UNC5D: variants seen among roughly 807,000 people sequenced by gnomAD.
UNC5D encodes unc-5 netrin receptor D.
In UNC5D, 39 loss-of-function variants were observed where a neutral mutation model predicts 105.4. The observed-to-expected ratio is 0.37, with a 90% CI of 0.29 to 0.48. The LOEUF is 0.48. UNC5D is among the 20% of genes least tolerant of loss of function. The probability of loss-of-function intolerance (pLI) is 0.98; values close to 1 mark genes in which losing one functional copy is unlikely to be tolerated. For synonymous variants in UNC5D, 452 were observed against 450.4 expected (o/e 1.00, Z -0.04); for missense variants, 991 against 1,202.4 (o/e 0.82, Z 2.60).
intron 15 of UNC5D, among the ~76,000 whole-genome samples, chr8:35,769,426 G>A (rs1586617095): frequency 6.6e-6 from 1 of 152,340 alleles, no homozygotes; most frequent in South Asian, 2.1e-4. Flanking sequence ...CACAGCACCA[G>A]AAATTTTGTC....
intron 1 of UNC5D, among the ~76,000 whole-genome samples, chr8:35,478,738 A>C (rs1284313969): frequency 6.6e-6 from 1 of 152,206 alleles, no homozygotes; most frequent in African/African-American, 2.4e-5. Context: ...AACATTAAAC[A>C]TTCTATGCTT....
chr8:35,243,718 G>A (rs2128803382), intron 1 of UNC5D, among the ~76,000 whole-genome samples: 1 of 152,242 alleles, frequency 6.6e-6, no homozygotes, highest in South Asian at 2.1e-4. Flanking sequence ...CCAAGCGGTT[G>A]GATCCTTATC....
intron 1 of UNC5D, among the ~76,000 whole-genome samples, chr8:35,498,079 CAAAACAA>C (rs1563474839): frequency 6.7e-5 from 4 of 59,424 alleles, no homozygotes; most frequent in Admixed American, 1.4e-4. Context: ...CAAAACAAAA[CAAAACAA>C]AAAAAAAAAA....
intron 7 of UNC5D, among the ~76,000 whole-genome samples, chr8:35,703,973 G>A: frequency 6.6e-6 from 1 of 152,132 alleles, no homozygotes; most frequent in East Asian, 1.9e-4. Context: ...TGGACTTCGA[G>A]AGGGACCACC....
intron 1 of UNC5D, among the ~76,000 whole-genome samples, chr8:35,237,805 A>C (rs1802566404): frequency 6.6e-6 from 1 of 152,234 alleles, no homozygotes; most frequent in African/African-American, 2.4e-5. Context: ...CAACTGTCAG[A>C]GAGTCCTCAA....
chr8:35,700,297 T>G (rs985783721), intron 7 of UNC5D, among the ~76,000 whole-genome samples: 2 of 152,042 alleles, frequency 1.3e-5, no homozygotes, highest in Non-Finnish European at 2.9e-5. Flanking sequence ...AACAAATAGC[T>G]CTTAATTTTG....
chr8:35,790,246 C>A, intron 16 of UNC5D, 113 bp from the exon 17 acceptor site: 1 of 1,152,780 alleles, frequency 8.7e-7, no homozygotes, highest in Non-Finnish European at 1.2e-6. Flanking sequence ...CTTTTTATCC[C>A]TACTATAATA....
chr8:35,648,398 G>A (rs909422444), intron 4 of UNC5D, among the ~76,000 whole-genome samples: 1 of 152,056 alleles, frequency 6.6e-6, no homozygotes, highest in African/African-American at 2.4e-5. Context: ...ATTATCTCTG[G>A]CAGTACGTGG....
chr8:35,491,011 T>G (rs562331047), intron 1 of UNC5D, among the ~76,000 whole-genome samples: 30 of 152,254 alleles, frequency 2.0e-4, no homozygotes, highest in African/African-American at 6.0e-4. Context: ...AATAATTGAA[T>G]TGGTAAAAAT....
At chr8:35,733,058 G>A (rs1246637416) in intron 11 of UNC5D, among the ~76,000 whole-genome samples, 1 of 151,198 alleles carries the variant, frequency 6.6e-6, no homozygotes, top group African/African-American at 2.5e-5. Context: ...CTTTAGATCT[G>A]TGAGGTATGA....
chr8:35,633,200 C>T (rs915079631), intron 4 of UNC5D, among the ~76,000 whole-genome samples: 3 of 152,266 alleles, frequency 2.0e-5, no homozygotes, highest in Middle Eastern at 3.4e-3. Context: ...GGACTTCTTG[C>T]GTAAAAGGTT....
chr8:35,376,112 C>T (rs538681806), intron 1 of UNC5D, among the ~76,000 whole-genome samples: 11 of 152,212 alleles, frequency 7.2e-5, no homozygotes, highest in South Asian at 6.2e-4. Flanking sequence ...GTTATCAAAA[C>T]GAATTGAAAT....
chr8:35,465,777 T>A (rs1809260889), intron 1 of UNC5D, among the ~76,000 whole-genome samples: 1 of 152,072 alleles, frequency 6.6e-6, no homozygotes, highest in Non-Finnish European at 1.5e-5. Context: ...GATCTGGATT[T>A]CTCAGGTGGG....
intron 1 of UNC5D, among the ~76,000 whole-genome samples, chr8:35,513,421 G>T (rs964077127): frequency 6.6e-6 from 1 of 151,826 alleles, no homozygotes; most frequent in Non-Finnish European, 1.5e-5. Context: ...TAGAGGCAGG[G>T]TTTCATCATG....
chr8:35,492,246 C>A (rs1294261128), intron 1 of UNC5D, among the ~76,000 whole-genome samples: 1 of 151,988 alleles, frequency 6.6e-6, no homozygotes, highest in African/African-American at 2.4e-5. Context: ...TCACTAAGCT[C>A]TGAGGGAGAG....
intron 1 of UNC5D, among the ~76,000 whole-genome samples, chr8:35,302,117 A>T (rs550747446): frequency 1.3e-5 from 2 of 152,244 alleles, no homozygotes; most frequent in Admixed American, 1.3e-4. Flanking sequence ...ATAGAATTGG[A>T]TCTGTTAATC....
In UNC5D at chr8:35,433,489, C is replaced by G. The variant is rs187014229; in HGVS notation, c.104-115803C>G. On this transcript the variant is annotated intron_variant, in intron 1 of 16. Coordinates refer to ENST00000404895, the MANE Select transcript of UNC5D (RefSeq NM_080872.4). Reference sequence around the variant, plus strand: ...CAAGTTTACATGTATTAATTTCTATCAACTCCCCCTTCAAAAAAAATAATA... The same window carrying G: ...CAAGTTTACATGTATTAATTTCTATGAACTCCCCCTTCAAAAAAAATAATA... Among the ~76,000 whole-genome samples the G allele has an allele frequency of 9.8e-4, 149 of 152,178 alleles. 3 individuals are homozygous for G. Among genetic ancestry groups the G allele is most frequent in the Admixed American group, 9.7e-3 (148 of 15,280 alleles).
intron 10 of UNC5D, among the ~76,000 whole-genome samples, chr8:35,730,208 C>T (rs1161132598): frequency 2.0e-5 from 3 of 152,174 alleles, no homozygotes; most frequent in African/African-American, 4.8e-5. Flanking sequence ...TCCTTAGACT[C>T]TTCTTTCTTG....
chr8:35,411,704 T>C lies in UNC5D; in HGVS notation c.104-137588T>C, dbSNP rs368327060. Among the ~76,000 whole-genome samples, 397 of 152,210 alleles carry C rather than the reference T, an allele frequency of 2.6e-3. 2 individuals carry two copies. The highest frequency in any genetic ancestry group is 8.9e-3 in the African/African-American group (371 of 41,546). ...CTTTATTTTATTTAAATCTTATAAA[T>C]AGCACTGACATTGCATTATATGTAT... is the stretch of plus-strand genomic sequence containing the variant. On this transcript the variant is annotated intron_variant, in intron 1 of 16. Transcript: ENST00000404895.
Sources: allele counts gnomAD v4.1 joint callset (sites outside exome capture counted in the v4.1 genomes callset), GRCh38; gene constraint gnomAD v4.1.1; transcripts MANE v1.5; gene names NCBI Gene and HGNC (gene_info 2026-07-23, HGNC 2026-07-21).